Variants in SLC8A1 observed in about 807,000 individuals in gnomAD.
The protein encoded by SLC8A1 is solute carrier family 8 member A1.
SLC8A1 carries 18 observed loss-of-function variants against 68.3 expected under a neutral mutation model. That is an observed-to-expected ratio of 0.26 (90% CI 0.18 to 0.39). The LOEUF is 0.39. SLC8A1 is among the 10% of genes least tolerant of loss of function. SLC8A1 has a pLI of 1.00. For missense variants in SLC8A1, 985 were observed against 1,156.7 expected (o/e 0.85, Z 2.15); for synonymous variants, 475 against 415.5 (o/e 1.14, Z -1.74).
chr2:40,408,740 T>C (rs1489055204), intron 2 of SLC8A1, among the ~76,000 whole-genome samples: 1 of 152,160 alleles, frequency 6.6e-6, no homozygotes, highest in African/African-American at 2.4e-5. Flanking sequence ...GGGCACCAGT[T>C]AGATATTTAA....
intron 2 of SLC8A1, among the ~76,000 whole-genome samples, chr2:40,219,431 T>A (rs1404065091): frequency 6.6e-6 from 1 of 152,224 alleles, no homozygotes; most frequent in Non-Finnish European, 1.5e-5. Flanking sequence ...TTGTCAAGAT[T>A]TTCTTCAATT....
chr2:40,321,931 CT>C (rs751737251), intron 2 of SLC8A1, among the ~76,000 whole-genome samples: 57 of 152,288 alleles, frequency 3.7e-4, no homozygotes, highest in Non-Finnish European at 4.7e-4. Flanking sequence ...TAAACCTCTA[CT>C]GTCTGATTCA....
intron 7 of SLC8A1, among the ~76,000 whole-genome samples, chr2:40,137,974 C>T (rs2040840515): frequency 6.6e-6 from 1 of 152,002 alleles, no homozygotes; most frequent in Non-Finnish European, 1.5e-5. Flanking sequence ...AATGAAGTGT[C>T]CAGATTTATA....
At chr2:40,188,524 A>G (rs1034337371) in intron 2 of SLC8A1, among the ~76,000 whole-genome samples, 7 of 152,234 alleles carry the variant, frequency 4.6e-5, no homozygotes, top group Non-Finnish European at 1.0e-4. Context: ...AACATTTTAA[A>G]CATTCCTGGA....
At chr2:40,356,248 G>C (rs1422265720) in intron 2 of SLC8A1, among the ~76,000 whole-genome samples, 1 of 152,060 alleles carries the variant, frequency 6.6e-6, no homozygotes, top group Non-Finnish European at 1.5e-5. Context: ...TAAGTGTGAA[G>C]ACTAATTCCT....
chr2:40,482,856 TCTC>T (rs1275337057), intron 1 of SLC8A1, among the ~76,000 whole-genome samples: 1 of 149,778 alleles, frequency 6.7e-6, no homozygotes, highest in African/African-American at 2.5e-5. Flanking sequence ...AGTGGCGCGA[TCTC>T]GGCTCACTGC....
intron 6 of SLC8A1, among the ~76,000 whole-genome samples, chr2:40,150,961 G>C (rs1412464859): frequency 6.6e-6 from 1 of 152,032 alleles, no homozygotes; most frequent in Non-Finnish European, 1.5e-5. Context: ...TATGTCCCTA[G>C]AATATCTCCC....
At chr2:40,411,994 T>C (rs769457117) in intron 2 of SLC8A1, among the ~76,000 whole-genome samples, 4 of 152,136 alleles carry the variant, frequency 2.6e-5, no homozygotes, top group Admixed American at 6.6e-5. Context: ...ATAAATACCA[T>C]TGATATAGAA....
chr2:40,251,605 A>G (rs527708105), intron 2 of SLC8A1: 1 of 152,158 alleles, frequency 6.6e-6, no homozygotes, highest in South Asian at 2.1e-4. Context: ...AACCCTTGCA[A>G]TTTGATACGC....
chr2:40,450,382 G>C (rs1034964928), intron 1 of SLC8A1, among the ~76,000 whole-genome samples: 6 of 152,028 alleles, frequency 3.9e-5, no homozygotes, highest in Admixed American at 3.9e-4. Flanking sequence ...ACGCGCGCGC[G>C]CTGGTGGGGG....
rs1574424487 is a variant in SLC8A1, at chr2:40,232,461, G to A, written c.1809-54606C>T. On this transcript the variant is annotated intron_variant, in intron 2 of 7. Transcript: ENST00000406785. ...GTTTATATAGAGTGGTGTGCCTTTC[G>A]AATGGCCTCTATTTACACAAAGAGA... Among the ~76,000 whole-genome samples the A allele has an allele frequency of 5.3e-5, 8 of 150,650 alleles. No homozygotes were observed. The South Asian group carries it at 1.5e-3, about 28-fold the overall frequency.
At chr2:40,258,905 G>T (rs1387250978) in intron 2 of SLC8A1, among the ~76,000 whole-genome samples, 1 of 150,484 alleles carries the variant, frequency 6.6e-6, no homozygotes, top group East Asian at 1.9e-4. Flanking sequence ...ATCCCCCAAT[G>T]GTTGTAATTG....
intron 1 of SLC8A1, among the ~76,000 whole-genome samples, chr2:40,433,350 A>G (rs1698749028): frequency 6.6e-6 from 1 of 152,168 alleles, no homozygotes; most frequent in South Asian, 2.1e-4. Context: ...TGTGTCCAAA[A>G]CTATTTTGCT....
intron 2 of SLC8A1, among the ~76,000 whole-genome samples, chr2:40,290,182 G>A (rs796838631): frequency 3.3e-5 from 5 of 151,834 alleles, no homozygotes; most frequent in African/African-American, 1.2e-4. Context: ...CTTCATTACT[G>A]TGCCTTGCAA....
intron 2 of SLC8A1, among the ~76,000 whole-genome samples, chr2:40,376,511 T>C (rs1362900565): frequency 6.6e-6 from 1 of 152,072 alleles, no homozygotes; most frequent in Non-Finnish European, 1.5e-5. Context: ...TGTCAGTCAC[T>C]CTGACATTTA....
chr2:40,509,159 G>A (rs137982138), intron 1 of SLC8A1, among the ~76,000 whole-genome samples: 8 of 152,194 alleles, frequency 5.3e-5, no homozygotes, highest in South Asian at 2.1e-4. Context: ...ACTTGAAAAC[G>A]TCATGTAACT....
chr2:40,344,689 T>C (rs528007205), intron 2 of SLC8A1, among the ~76,000 whole-genome samples: 21 of 152,306 alleles, frequency 1.4e-4, no homozygotes, highest in Admixed American at 5.9e-4. Flanking sequence ...CCATTGCCCT[T>C]AGTCTTCATC....
At chr2:40,142,955 T>TGTGC (rs1015574057) in intron 6 of SLC8A1, among the ~76,000 whole-genome samples, 13 of 152,088 alleles carry the variant, frequency 8.5e-5, no homozygotes, top group African/African-American at 2.9e-4. Flanking sequence ...AGTGTGTGTG[T>TGTGC]GTGTGTGTGT....
chr2:40,202,387 T>C (rs975547756), intron 2 of SLC8A1, among the ~76,000 whole-genome samples: 2 of 151,962 alleles, frequency 1.3e-5, no homozygotes, highest in African/African-American at 4.8e-5. Flanking sequence ...TCAGATTTTT[T>C]TCTGTAAATT....
Sources: gnomAD v4.1 joint callset for allele counts (sites outside exome capture counted in the v4.1 genomes callset) on GRCh38, gnomAD v4.1.1 for gene constraint, MANE v1.5 for transcripts, NCBI Gene and HGNC (gene_info 2026-07-23, HGNC 2026-07-21) for gene names.